KLHL1: variants seen among roughly 807,000 people sequenced by gnomAD.
KLHL1 encodes kelch like family member 1.
In KLHL1, 47 loss-of-function variants were observed where a neutral mutation model predicts 77.7. That is an observed-to-expected ratio of 0.60 (90% CI 0.48 to 0.77). The LOEUF is 0.77. Among genes scored for constraint, KLHL1 ranks in the 30% least tolerant of loss-of-function variants. The pLI is 0.00. For synonymous variants in KLHL1, 360 were observed against 325.2 expected (o/e 1.11, Z -1.15); for missense variants, 925 against 910.8 (o/e 1.02, Z -0.20).
intron 2 of KLHL1, among the ~76,000 whole-genome samples, chr13:69,964,381 A>G (rs945985635): frequency 2.9e-4 from 44 of 152,168 alleles, no homozygotes; most frequent in African/African-American, 1.0e-3. Context: ...CATTCTTACA[A>G]TTGTTTTTCT....
chr13:70,107,795 G>A lies in KLHL1; in HGVS notation c.-96C>T. ...AGCGGGGCCCGGGGGCGGAGGAAGA[G>A]GCGGGATGCGCCCTCTGCACCCCTA... On this transcript the variant is annotated 5_prime_UTR_variant, in exon 1 of 11. Transcript: ENST00000377844. The A allele has an allele frequency of 1.1e-6, 1 of 914,814 alleles. No homozygotes were observed. The highest frequency in any genetic ancestry group is 1.6e-6 in the Non-Finnish European group (1 of 626,250). The allele number at this position is 914,814 out of a possible 1,614,324, so 56.7% of individuals were successfully genotyped here.
At chr13:70,018,211 A>G (rs945480404) in intron 1 of KLHL1, among the ~76,000 whole-genome samples, 2 of 152,204 alleles carry the variant, frequency 1.3e-5, no homozygotes, top group African/African-American at 4.8e-5. Context: ...ATGTTAATAC[A>G]ATCGTTACTC....
chr13:70,052,918 A>G (rs943325310), intron 1 of KLHL1, among the ~76,000 whole-genome samples: 5 of 152,068 alleles, frequency 3.3e-5, no homozygotes, highest in Non-Finnish European at 7.4e-5. Context: ...CTACAAATCT[A>G]TTGTGATATT....
At chr13:69,841,194 T>TTCCAACA (rs1328634479) in intron 5 of KLHL1, among the ~76,000 whole-genome samples, 1 of 151,550 alleles carries the variant, frequency 6.6e-6, no homozygotes, top group African/African-American at 2.4e-5. Flanking sequence ...ATATTCAACA[T>TTCCAACA]AGTATTGGAA....
intron 6 of KLHL1, among the ~76,000 whole-genome samples, chr13:69,818,019 G>A (rs1199410648): frequency 6.6e-6 from 1 of 152,018 alleles, no homozygotes; most frequent in Non-Finnish European, 1.5e-5. Flanking sequence ...AGAGGCCCCA[G>A]AAATATTTAC....
At chr13:69,851,639 G>T (rs1367399988) in intron 5 of KLHL1, among the ~76,000 whole-genome samples, 1 of 151,656 alleles carries the variant, frequency 6.6e-6, no homozygotes, top group Non-Finnish European at 1.5e-5. Context: ...ATAGACATTG[G>T]TATTTCCCTT....
intron 1 of KLHL1, among the ~76,000 whole-genome samples, chr13:69,983,463 C>G (rs1342887257): frequency 6.6e-6 from 1 of 151,214 alleles, no homozygotes; most frequent in Non-Finnish European, 1.5e-5. Flanking sequence ...ATACTGTGCT[C>G]GGTGCGGTGG....
intron 1 of KLHL1, among the ~76,000 whole-genome samples, chr13:70,019,922 T>C (rs1327057629): frequency 6.6e-6 from 1 of 152,160 alleles, no homozygotes; most frequent in Non-Finnish European, 1.5e-5. Context: ...AATCCTTTCA[T>C]AAAAAGGACT....
chr13:69,723,903 T>A (rs1173007630), intron 8 of KLHL1, among the ~76,000 whole-genome samples: 1 of 151,014 alleles, frequency 6.6e-6, no homozygotes, highest in Non-Finnish European at 1.5e-5. Context: ...AATGCAGTGA[T>A]CTTGGCTCAC....
At position 69,796,792 on chromosome 13, in the gene KLHL1, T is replaced by G; in HGVS notation, c.1585A>C (p.Lys529Gln). The G allele has an allele frequency of 6.2e-7, 1 of 1,614,170 alleles. No individual in the cohort carries two copies. The highest frequency in any genetic ancestry group is 1.1e-5 in the South Asian group (1 of 91,086). Residue 529 changes from lysine to glutamine, a missense_variant, in exon 7 of 11, where the codon AAA (lysine) becomes CAA (glutamine). Coordinates refer to ENST00000377844, the MANE Select transcript of KLHL1 (RefSeq NM_020866.3). ...GGTAAGACAGTCCATGTCTTGGTTTTGGGATTGTAACATTCAACAGTGTTC... is the reference window on the plus strand; with the variant it reads ...GGTAAGACAGTCCATGTCTTGGTTTGGGGATTGTAACATTCAACAGTGTTC... ...TLNTVECYNP[K>Q]TKTWTVLPPM...
intron 6 of KLHL1, 60 bp from the exon 7 acceptor site, chr13:69,797,022 A>G: frequency 7.4e-7 from 1 of 1,356,230 alleles, no homozygotes; most frequent in Non-Finnish European, 1.1e-6. Flanking sequence ...ACAGCCTGCC[A>G]AAGCAGGGTA....
chr13:69,751,914 G>A (rs1443213538), intron 7 of KLHL1, among the ~76,000 whole-genome samples: 1 of 116,002 alleles, frequency 8.6e-6, no homozygotes, highest in Non-Finnish European at 1.9e-5. Flanking sequence ...TGCAAATTAA[G>A]AGGATGTATT....
intron 1 of KLHL1, among the ~76,000 whole-genome samples, chr13:69,982,283 A>G (rs866996268): frequency 1.5e-4 from 23 of 151,666 alleles, no homozygotes; most frequent in African/African-American, 5.1e-4. Context: ...AAAATACTAA[A>G]AAATTAGCCA....
chr13:69,857,926 T>C (rs1368915137), intron 5 of KLHL1, among the ~76,000 whole-genome samples: 1 of 151,954 alleles, frequency 6.6e-6, no homozygotes, highest in African/African-American at 2.4e-5. Flanking sequence ...GCCACAGATA[T>C]ATATTTTATA....
At position 69,719,557 on chromosome 13, in the gene KLHL1, A is replaced by C. The variant is rs1169781387; in HGVS notation, c.1827T>G (p.Asp609Glu). 2.5e-6 allele frequency: 4 copies of C among 1,612,884 alleles called. No homozygotes were observed. The Admixed American group carries it at 6.7e-5, about 27-fold the overall frequency. ...CCATTGAACTCAAACAGGAACTTCC[A>C]TCACGACCTCCAACTGAATACAACC... ...NGKLYSVGGR[D>E]GSSCLSSMEY... The change falls in exon 9 of 11, where the codon GAT becomes GAG. Residue 609 changes from aspartate to glutamate, a missense_variant. Asp to Glu is a conservative substitution (Grantham distance 45). Transcript: ENST00000377844.
At chr13:69,787,617 A>AAAAC (rs1162242388) in intron 7 of KLHL1, among the ~76,000 whole-genome samples, 1 of 152,214 alleles carries the variant, frequency 6.6e-6, no homozygotes, top group Non-Finnish European at 1.5e-5. Flanking sequence ...CTTCATGTCT[A>AAAAC]AAACACCAAA....
intron 1 of KLHL1, among the ~76,000 whole-genome samples, chr13:70,097,887 G>T (rs1227980255): frequency 1.4e-5 from 2 of 144,078 alleles, no homozygotes; most frequent in Non-Finnish European, 1.5e-5. Context: ...TTTCCTTTCT[G>T]TTTTTTTTTT....
chr13:69,782,348 C>T lies in KLHL1; in HGVS notation c.1639+14390G>A, dbSNP rs192487127. Among the ~76,000 whole-genome samples, 312 of 152,284 alleles carry T rather than the reference C, an allele frequency of 2.0e-3. 1 individual carries two copies. Among genetic ancestry groups the T allele is most frequent in the African/African-American group, 6.9e-3 (286 of 41,570 alleles). On this transcript the variant is annotated intron_variant, in intron 7 of 10. Transcript: ENST00000377844. ...TGGGTGCAGCGCACCGTGTGCTAGC[C>T]GAAGCAGGGCAAGGCATTGCCTCAC...
At chr13:69,755,735 G>C (rs1278196123) in intron 7 of KLHL1, among the ~76,000 whole-genome samples, 1 of 152,060 alleles carries the variant, frequency 6.6e-6, no homozygotes, top group Non-Finnish European at 1.5e-5. Context: ...GCCTCAGTCA[G>C]ATGTACAGCC....
Sources: gnomAD v4.1 joint callset for allele counts (sites outside exome capture counted in the v4.1 genomes callset) on GRCh38, gnomAD v4.1.1 for gene constraint, MANE v1.5 for transcripts, NCBI Gene and HGNC (gene_info 2026-07-23, HGNC 2026-07-21) for gene names.